C10orf90: variants seen among roughly 807,000 people sequenced by gnomAD.
The protein encoded by C10orf90 is (E2-independent) E3 ubiquitin-conjugating enzyme FATS.
A neutral mutation model predicts 62.5 loss-of-function variants in C10orf90; 56 were observed. The ratio of observed to expected loss-of-function variants is 0.90; its 90% confidence interval spans 0.72 to 1.12. The LOEUF (loss-of-function observed/expected upper bound fraction) is 1.12, where lower values mean the gene tolerates loss of function less well. Ranked by LOEUF, C10orf90 falls within the 50% of genes most tolerant of loss-of-function variation. The pLI is 0.00. For synonymous variants in C10orf90, 386 were observed against 340.4 expected (o/e 1.13, Z -1.47); for missense variants, 970 against 880.4 (o/e 1.10, Z -1.29).
intron 2 of C10orf90, among the ~76,000 whole-genome samples, chr10:126,515,599 A>G (rs1256336747): frequency 6.6e-6 from 1 of 152,206 alleles, no homozygotes; most frequent in Non-Finnish European, 1.5e-5. Flanking sequence ...AGGTTTGTAC[A>G]TTCTACAAGG....
At chr10:126,659,344 G>A (rs568347140) in intron 1 of C10orf90, among the ~76,000 whole-genome samples, 1 of 152,282 alleles carries the variant, frequency 6.6e-6, no homozygotes, top group South Asian at 2.1e-4. Context: ...GTAAATTGAG[G>A]GCTGAATCAG....
intron 2 of C10orf90, among the ~76,000 whole-genome samples, chr10:126,535,616 A>C (rs1038123042): frequency 6.6e-6 from 1 of 152,184 alleles, no homozygotes; most frequent in Non-Finnish European, 1.5e-5. Flanking sequence ...CACGTTGTGC[A>C]CATGTACCCT....
At chr10:126,569,127 G>C (rs537676686) in intron 2 of C10orf90, among the ~76,000 whole-genome samples, 2 of 152,086 alleles carry the variant, frequency 1.3e-5, no homozygotes, top group East Asian at 1.9e-4. Context: ...GAGCAGTAGT[G>C]GGGGGTTTCA....
chr10:126,463,788 C>A (rs982570451), intron 5 of C10orf90, among the ~76,000 whole-genome samples: 7 of 152,236 alleles, frequency 4.6e-5, no homozygotes, highest in African/African-American at 1.7e-4. Context: ...CATGGCCCAC[C>A]ACACAGACAC....
In C10orf90 at chr10:126,425,196, CA is replaced by C. The variant is rs1406317198; in HGVS notation, c.*667del. On this transcript the variant is annotated 3_prime_UTR_variant, in exon 10 of 10. Transcript: ENST00000488181. ...GGGGCAGGAGGAGTATTGTAGAAAA[CA>C]CTGAAGTTACGTCAGAGCTTCCATA... 1 of 152,032 alleles carries C rather than the reference CA, an allele frequency of 6.6e-6. No homozygotes were observed. The highest frequency in any genetic ancestry group is 1.5e-5 in the Non-Finnish European group (1 of 68,032). 9.4% of individuals were successfully genotyped at this position (152,032 alleles called of 1,614,324 possible). A position where few individuals can be genotyped will look rare whatever the true frequency, so the allele number is the denominator to read the frequency against.
intron 7 of C10orf90, among the ~76,000 whole-genome samples, chr10:126,454,027 G>A (rs1028347327): frequency 1.3e-5 from 2 of 152,074 alleles, no homozygotes; most frequent in Admixed American, 6.5e-5. Flanking sequence ...AGCCTAGAAG[G>A]AGATAACCAG....
chr10:126,536,352 G>C (rs1411587191), intron 2 of C10orf90, among the ~76,000 whole-genome samples: 2 of 152,188 alleles, frequency 1.3e-5, no homozygotes, highest in Non-Finnish European at 2.9e-5. Context: ...CAATTAGCTG[G>C]AGCTTGGCGC....
intron 2 of C10orf90, chr10:126,521,573 A>C: frequency 2.6e-6 from 2 of 761,644 alleles, no homozygotes; most frequent in Non-Finnish European, 3.8e-6. Flanking sequence ...TCTTGTTAGC[A>C]GCAATCGTCT....
intron 2 of C10orf90, among the ~76,000 whole-genome samples, chr10:126,645,467 C>T: frequency 6.6e-6 from 1 of 151,076 alleles, no homozygotes; most frequent in South Asian, 2.1e-4. Context: ...GTGCGTGCCT[C>T]TAGTCCCAGC....
intron 7 of C10orf90, among the ~76,000 whole-genome samples, chr10:126,439,788 G>A (rs181877565): frequency 6.6e-6 from 1 of 152,234 alleles, no homozygotes; most frequent in Non-Finnish European, 1.5e-5. Context: ...GAAAATGAAT[G>A]AAGAAAGCTT....
At position 126,504,403 on chromosome 10, in the gene C10orf90, T is replaced by G; in HGVS notation, c.1088A>C (p.Tyr363Ser). 1 of 1,614,196 alleles carries G rather than the reference T, an allele frequency of 6.2e-7. No individual in the cohort carries two copies. Among genetic ancestry groups the G allele is most frequent in the South Asian group, 1.1e-5 (1 of 91,076 alleles). The change falls in exon 4 of 10, where the codon TAC (tyrosine) becomes TCC (serine). Residue 363 changes from tyrosine to serine, a missense_variant. Tyr to Ser is a moderately radical substitution (Grantham distance 144). Coordinates refer to ENST00000488181, the MANE Select transcript of C10orf90 (RefSeq NM_001350921.2). The surrounding 1 kb of genome is among the most constrained non-coding windows in gnomAD (Gnocchi z 4.1). ...VSQQCPDSIY[Y>S]VDKSLSVPIE... ...GGGGACGGAGAGAGACTTGTCTACG[T>G]AATAGATTGAATCTGGACACTGCTG...
intron 4 of C10orf90, among the ~76,000 whole-genome samples, chr10:126,470,463 C>T (rs1252435609): frequency 2.0e-5 from 3 of 152,196 alleles, no homozygotes; most frequent in African/African-American, 7.2e-5. Flanking sequence ...AGCATGGTGT[C>T]TCACACATGT....
chr10:126,451,173 A>G (rs1590925392), intron 7 of C10orf90, among the ~76,000 whole-genome samples: 1 of 152,242 alleles, frequency 6.6e-6, no homozygotes, highest in African/African-American at 2.4e-5. Flanking sequence ...GGCTATTATC[A>G]AAGACAAACT....
At position 126,526,023 on chromosome 10, in the gene C10orf90, AACACAC is replaced by A. The variant is rs3040780; in HGVS notation, c.314-12090_314-12085del. ...TAAATAGCTTGTCCACACCTGCCAC[AACACAC>A]ACACACACACACACACACACACACA... On this transcript the variant is annotated intron_variant, in intron 2 of 9. Transcript: ENST00000488181. Among the ~76,000 whole-genome samples the A allele has an allele frequency of 4.0e-3, 550 of 138,996 alleles. 5 individuals are homozygous for A. Among genetic ancestry groups the A allele is most frequent in the African/African-American group, 9.1e-3 (337 of 37,132 alleles). The allele number at this position is 138,996 out of a possible 152,430, so 91.2% of individuals were successfully genotyped here. A position where few individuals can be genotyped will look rare whatever the true frequency, so the allele number is the denominator to read the frequency against.
intron 3 of C10orf90, 23 bp from the exon 4 acceptor site, chr10:126,505,108 A>G: frequency 6.3e-7 from 1 of 1,584,748 alleles, no homozygotes; most frequent in Non-Finnish European, 8.6e-7. Flanking sequence ...AAAGATCCCG[A>G]TTATTCAAGC....
At chr10:126,603,077 A>G (rs1845232434) in intron 2 of C10orf90, among the ~76,000 whole-genome samples, 1 of 152,054 alleles carries the variant, frequency 6.6e-6, no homozygotes, top group South Asian at 2.1e-4. Context: ...GATGCCTTGC[A>G]TTAGTCACAT....
chr10:126,511,428 C>A (rs1375609287), intron 3 of C10orf90, among the ~76,000 whole-genome samples: 2 of 151,788 alleles, frequency 1.3e-5, no homozygotes, highest in African/African-American at 4.9e-5. Context: ...GTATTAAGTG[C>A]ATTCATAATG....
intron 2 of C10orf90, chr10:126,524,490 TA>T: frequency 2.6e-6 from 1 of 381,364 alleles, no homozygotes; most frequent in Non-Finnish European, 3.6e-6. Flanking sequence ...CTGGGAAGAC[TA>T]AGAAATTAGG....
chr10:126,478,036 T>C (rs1229694376), intron 4 of C10orf90, among the ~76,000 whole-genome samples: 2 of 152,138 alleles, frequency 1.3e-5, no homozygotes, highest in Admixed American at 1.3e-4. Context: ...GTTTGTGACA[T>C]GGCATCGTTT....
Sources: gnomAD v4.1 joint callset for allele counts (sites outside exome capture counted in the v4.1 genomes callset) on GRCh38, gnomAD v4.1.1 for gene constraint, Gnocchi (gnomAD v3.1) non-coding constraint, MANE v1.5 for transcripts, NCBI Gene and HGNC (gene_info 2026-07-23, HGNC 2026-07-21) for gene names.